AEBP1: variants seen among roughly 807,000 people sequenced by gnomAD.
The protein encoded by AEBP1 is adipocyte enhancer-binding protein 1.
AEBP1 carries 69 observed loss-of-function variants against 116.5 expected under a neutral mutation model. The observed-to-expected ratio is 0.59, with a 90% CI of 0.49 to 0.72. The LOEUF is 0.72. AEBP1 is among the 30% of genes least tolerant of loss of function. AEBP1 has a pLI of 0.00. For missense variants in AEBP1, 1,444 were observed against 1,557.5 expected (o/e 0.93, Z 1.23); for synonymous variants, 627 against 627.3 (o/e 1.00, Z 0.01).
Position 44,114,293 on chromosome 7 carries a change from T to C in AEBP1, c.*32T>C. 1 of 1,608,740 alleles carries C rather than the reference T, an allele frequency of 6.2e-7. No homozygotes were observed. Among genetic ancestry groups the C allele is most frequent in the Non-Finnish European group, 8.5e-7 (1 of 1,175,968 alleles). On this transcript the variant is annotated 3_prime_UTR_variant, in exon 21 of 21. Transcript: ENST00000223357. ...CGTCCTACCAAGACCCCAGCCCAAC[T>C]CAAGCTACAGCAGCAGCACTTCCCA...
At position 44,106,899 on chromosome 7, in the gene AEBP1, G is replaced by A; in HGVS notation, c.595+12G>A. Reference sequence around the variant, plus strand: ...ACCCCAGGAGGGAGGTTTGTGCCGGGCTCCTCTGGGGTGATGGGGCTCTGA... The same window carrying A: ...ACCCCAGGAGGGAGGTTTGTGCCGGACTCCTCTGGGGTGATGGGGCTCTGA... On this transcript the variant is annotated intron_variant, in intron 2 of 20. Transcript: ENST00000223357. 6.5e-7 allele frequency: 1 copy of A among 1,534,318 alleles called. No individual in the cohort carries two copies. Among genetic ancestry groups the A allele is most frequent in the East Asian group, 2.4e-5 (1 of 42,184 alleles).
Position 44,104,475 on chromosome 7 carries a change from C to A in AEBP1, c.-191C>A, listed in dbSNP as rs965607216. On this transcript the variant is annotated 5_prime_UTR_variant, in exon 1 of 21. Transcript: ENST00000223357. Reference sequence around the variant, plus strand: ...CTGGCTTCGGAGCCCCCCAGCACCCCTTCCCGGGTCCCCTCGCCCACCCTA... The same window carrying A: ...CTGGCTTCGGAGCCCCCCAGCACCCATTCCCGGGTCCCCTCGCCCACCCTA... 19 of 463,438 alleles carry A rather than the reference C, an allele frequency of 4.1e-5. No homozygotes were observed. The highest frequency in any genetic ancestry group is 5.5e-4 in the Middle Eastern group (1 of 1,816). 28.7% of individuals were successfully genotyped at this position (463,438 alleles called of 1,614,324 possible).
chr7:44,113,711 C>T lies in AEBP1; in HGVS notation c.2927C>T (p.Thr976Ile), dbSNP rs1388995396. 3 of 1,613,956 alleles carry T rather than the reference C, an allele frequency of 1.9e-6. No individual in the cohort carries two copies. The highest frequency in any genetic ancestry group is 2.5e-6 in the Non-Finnish European group (3 of 1,179,988). ...AATGTTGACTATGACATCGGGGCCA[C>T]TCAGTGCAACTTCATCCTGGCTCGC... Reference protein sequence around the residue: ...TCNVDYDIGATQCNFILARSN... With the variant: ...TCNVDYDIGAIQCNFILARSN... The change falls in exon 21 of 21, where the codon ACT becomes ATT. Residue 976 changes from threonine (T) to isoleucine (I), a missense_variant. Thr to Ile is a moderately conservative substitution (Grantham distance 89). Coordinates refer to ENST00000223357, the MANE Select transcript of AEBP1 (RefSeq NM_001129.5). The surrounding 1 kb of genome is among the most constrained non-coding windows in gnomAD (Gnocchi z 5.3).
chr7:44,113,333 A>G lies in AEBP1; in HGVS notation c.2791A>G (p.Asn931Asp), dbSNP rs2096232148. ...CGCCACCATCTCTGTGAGTGGCATT[A>G]ATCACGGCGTGAAGACAGGTACCTA... ...ANATISVSGI[N>D]HGVKTASGGD... is the part of the protein sequence containing the mutation. The change falls in exon 20 of 21, where the codon AAT becomes GAT. Residue 931 changes from asparagine (N) to aspartate (D), a missense_variant. Coordinates refer to ENST00000223357, the MANE Select transcript of AEBP1 (RefSeq NM_001129.5). This position sits in a 1 kb window ranked among gnomAD's most constrained non-coding sequence, Gnocchi z 5.3. 6.2e-7 allele frequency: 1 copy of G among 1,612,940 alleles called. No individual in the cohort carries two copies. The highest frequency in any genetic ancestry group is 8.5e-7 in the Non-Finnish European group (1 of 1,179,546).
chr7:44,110,195 C>A lies in AEBP1; in HGVS notation c.1261-12C>A. 1 of 1,613,534 alleles carries A rather than the reference C, an allele frequency of 6.2e-7. No individual in the cohort carries two copies. The highest frequency in any genetic ancestry group is 8.5e-7 in the Non-Finnish European group (1 of 1,179,992). On this transcript the variant is annotated splice_polypyrimidine_tract_variant and intron_variant, in intron 10 of 20. Coordinates refer to ENST00000223357, the MANE Select transcript of AEBP1 (RefSeq NM_001129.5). Reference sequence around the variant, plus strand: ...CTCCGCCCATGCTCAGCCTCCCCTGCCCCCTGGACAGACCGGTGCCACTGA... The same window carrying A: ...CTCCGCCCATGCTCAGCCTCCCCTGACCCCTGGACAGACCGGTGCCACTGA...
At position 44,113,781 on chromosome 7, in the gene AEBP1, C is replaced by A. The variant is rs2096233034; in HGVS notation, c.2997C>A (p.Asn999Lys). Residue 999 changes from asparagine (N) to lysine (K), a missense_variant, in exon 21 of 21, where the codon AAC becomes AAA. Physicochemically the swap from Asn to Lys is moderately conservative, Grantham distance 94. Transcript: ENST00000223357. The surrounding 1 kb of genome is among the most constrained non-coding windows in gnomAD (Gnocchi z 5.3). ...RIREIMAMNG[N>K]RPIPHIDPSR... The stretch of plus-strand genomic sequence containing the variant: ...GGGAGATCATGGCCATGAACGGGAA[C>A]CGGCCTATCCCACACATAGACCCAT... The A allele has an allele frequency of 6.2e-7, 1 of 1,613,980 alleles. No homozygotes were observed.
rs977102767 is a variant in AEBP1 at position 44,105,566 on chromosome 7, C to G, written c.253+648C>G. Among the ~76,000 whole-genome samples the G allele has an allele frequency of 3.9e-5, 6 of 152,136 alleles. No homozygotes were observed. The East Asian group carries it at 1.2e-3, about 29-fold the overall frequency. On this transcript the variant is annotated intron_variant, in intron 1 of 20. Transcript: ENST00000223357. ...TGTGATCCCTGTCTCCCAGGAGATT[C>G]CAAGGCACCATCCAACATTCCTGAT...
rs1217684897 is a variant in AEBP1, at chr7:44,106,877, C to T, written c.585C>T (p.Pro195=). The T allele has an allele frequency of 7.0e-6, 11 of 1,574,192 alleles. No homozygotes were observed. The highest frequency in any genetic ancestry group is 4.1e-5 in the African/African-American group (3 of 73,102). The change falls in exon 2 of 21, where the codon CCC becomes CCT. Residue 195 remains proline (P), a synonymous_variant. Coordinates refer to ENST00000223357, the MANE Select transcript of AEBP1 (RefSeq NM_001129.5). ...CCAGCCCTGGCCCCGAGGAGCTACC[C>T]CAGGAGGGAGGTTTGTGCCGGGCTC... is the stretch of plus-strand genomic sequence containing the variant. ...PPPSPGPEEL[P]QEGGAPLSNN...
chr7:44,109,278 T>C lies in AEBP1; in HGVS notation c.1097-10T>C. 3.1e-6 allele frequency: 5 copies of C among 1,610,868 alleles called. No homozygotes were observed. The highest frequency in any genetic ancestry group is 3.4e-6 in the Non-Finnish European group (4 of 1,178,784). On this transcript the variant is annotated splice_polypyrimidine_tract_variant and intron_variant, in intron 8 of 20. Coordinates refer to ENST00000223357, the MANE Select transcript of AEBP1 (RefSeq NM_001129.5). ...CCCTTGGTGCCATGTCCTCCCTTCA[T>C]TGTCCCTAGAGCCCCGAAAGGGCGA...
chr7:44,111,869 G>C lies in AEBP1; in HGVS notation c.1856G>C (p.Arg619Pro). Residue 619 changes from arginine (R) to proline (P), a missense_variant, in exon 16 of 21, where the codon CGC becomes CCC. Arg to Pro is a moderately radical substitution (Grantham distance 103). Coordinates refer to ENST00000223357, the MANE Select transcript of AEBP1 (RefSeq NM_001129.5). This position sits in a 1 kb window ranked among gnomAD's most constrained non-coding sequence, Gnocchi z 4.7. ...GEHELGEPEF[R>P]YTAGIHGNEV... ...GCCCTTGCAGGGGAGCCCGAGTTCC[G>C]CTACACTGCTGGGATCCATGGCAAC... 1 of 1,613,226 alleles carries C rather than the reference G, an allele frequency of 6.2e-7. No individual in the cohort carries two copies. Among genetic ancestry groups the C allele is most frequent in the Non-Finnish European group, 8.5e-7 (1 of 1,179,860 alleles).
At position 44,109,113 on chromosome 7, in the gene AEBP1, C is replaced by A. The variant is rs769155342; in HGVS notation, c.1025C>A (p.Pro342His). Reference sequence around the variant, plus strand: ...CCTACCTTGCACCTTCCAGAGAAACCCAAAAAGGAGGACAGCAGCCCCAAG... The same window carrying A: ...CCTACCTTGCACCTTCCAGAGAAACACAAAAAGGAGGACAGCAGCCCCAAG... ...TDEEKEELKK[P>H]KKEDSSPKEE... Residue 342 changes from proline to histidine, a missense_variant, in exon 8 of 21, where the codon CCC becomes CAC. By Grantham distance (77) the Pro-to-His change is moderately conservative (BLOSUM62 -2). Coordinates refer to ENST00000223357, the MANE Select transcript of AEBP1 (RefSeq NM_001129.5). The A allele has an allele frequency of 6.2e-7, 1 of 1,613,468 alleles. No individual in the cohort carries two copies. Among genetic ancestry groups the A allele is most frequent in the Non-Finnish European group, 8.5e-7 (1 of 1,179,966 alleles).
intron 1 of AEBP1, chr7:44,106,092 C>A: frequency 2.3e-6 from 1 of 438,436 alleles, no homozygotes. Context: ...TTTTCTTGCC[C>A]CGTAGGAGAC....
At chr7:44,110,874 G>A in intron 12 of AEBP1, 39 bp from the exon 13 acceptor site, 1 of 1,613,294 alleles carries the variant, frequency 6.2e-7, no homozygotes, top group Non-Finnish European at 8.5e-7. Flanking sequence ...GGCTCTCAGA[G>A]GGGCTGGCAG....
intron 11 of AEBP1, 102 bp from the exon 12 acceptor site, chr7:44,110,623 C>A (rs909068354): frequency 8.6e-7 from 1 of 1,166,640 alleles, no homozygotes; most frequent in Non-Finnish European, 1.2e-6. Context: ...CAGCACCACC[C>A]TGCTAGCTCT....
rs371285263 is a variant in AEBP1 at position 44,113,148 on chromosome 7, A to G, written c.2709+18A>G. 21 of 1,613,560 alleles carry G rather than the reference A, an allele frequency of 1.3e-5. No homozygotes were observed. The highest frequency in any genetic ancestry group is 3.3e-5 in the Admixed American group (2 of 59,978). On this transcript the variant is annotated intron_variant, in intron 19 of 20. Coordinates refer to ENST00000223357, the MANE Select transcript of AEBP1 (RefSeq NM_001129.5). This position sits in a 1 kb window ranked among gnomAD's most constrained non-coding sequence, Gnocchi z 5.3. ...TGGAGCAGGTGGGGTGGCTAGGGCA[A>G]TGCCTGGGGAGAGGAGGCTGCACAG...
At position 44,107,871 on chromosome 7, in the gene AEBP1, C is replaced by T. The variant is rs745744525; in HGVS notation, c.802C>T (p.Arg268Trp). ...PPPSRRRRPE[R>W]VWPEPPEEKA... Reference sequence around the variant, plus strand: ...CCCAAGCAGAAGGAGGAGGCCCGAGCGGGTCTGGCCAGAGCCCCCTGAGGA... The same window carrying T: ...CCCAAGCAGAAGGAGGAGGCCCGAGTGGGTCTGGCCAGAGCCCCCTGAGGA... The change falls in exon 5 of 21, where the codon CGG (arginine) becomes TGG (tryptophan). Residue 268 changes from arginine (R) to tryptophan (W), a missense_variant. By Grantham distance (101) the Arg-to-Trp change is moderately radical. Transcript: ENST00000223357. This position sits in a 1 kb window ranked among gnomAD's most constrained non-coding sequence, Gnocchi z 4.3. 16 of 1,606,184 alleles carry T rather than the reference C, an allele frequency of 1.0e-5. No individual in the cohort carries two copies. The highest frequency in any genetic ancestry group is 9.4e-5 in the African/African-American group (7 of 74,448).
Position 44,114,126 on chromosome 7 carries a change from G to A in AEBP1, c.3342G>A (p.Glu1114=), listed in dbSNP as rs1583557781. 3 of 1,614,096 alleles carry A rather than the reference G, an allele frequency of 1.9e-6. No homozygotes were observed. The South Asian group carries it at 3.3e-5, about 18-fold the overall frequency. The change falls in exon 21 of 21, where the codon GAG becomes GAA. Residue 1114 remains glutamate (E), a synonymous_variant. Coordinates refer to ENST00000223357, the MANE Select transcript of AEBP1 (RefSeq NM_001129.5). ...AGCCCGAGTTTGAGACCCAGTTGGA[G>A]CCTGAGTTTGAGACCCAGCTGGAAC... is the stretch of plus-strand genomic sequence containing the variant. ...KVEPEFETQL[E]PEFETQLEPE...
intron 9 of AEBP1, 100 bp from the exon 10 acceptor site, chr7:44,109,915 C>T: frequency 9.3e-7 from 1 of 1,076,564 alleles, no homozygotes; most frequent in Middle Eastern, 2.0e-4. Context: ...CTGACTGTGC[C>T]CCCGATGTGC....
intron 1 of AEBP1, chr7:44,106,095 TAGG>T (rs1240627094): frequency 2.3e-6 from 1 of 441,708 alleles, no homozygotes; most frequent in Admixed American, 2.5e-5. Context: ...TCTTGCCCCG[TAGG>T]AGACCAGGGG....
Sources: gnomAD v4.1 joint callset for allele counts (sites outside exome capture counted in the v4.1 genomes callset) on GRCh38, gnomAD v4.1.1 for gene constraint, Gnocchi (gnomAD v3.1) non-coding constraint, MANE v1.5 for transcripts, NCBI Gene and HGNC (gene_info 2026-07-23, HGNC 2026-07-21) for gene names.